Variants in CCDC85A observed in about 807,000 individuals in gnomAD.
The protein encoded by CCDC85A is coiled-coil domain-containing protein 85A.
A neutral mutation model predicts 50.2 loss-of-function variants in CCDC85A; 38 were observed. The observed-to-expected ratio is 0.76, with a 90% CI of 0.58 to 0.99. CCDC85A has a LOEUF of 0.99. Ranked by LOEUF, CCDC85A falls within the 50% of genes least tolerant of loss-of-function variation. The pLI, the probability that CCDC85A is intolerant of heterozygous loss-of-function variation, is 0.00. For missense variants in CCDC85A, 820 were observed against 742.0 expected (o/e 1.11, Z -1.22); for synonymous variants, 366 against 301.4 (o/e 1.21, Z -2.22).
At chr2:56,371,196 C>T (rs1012800400) in intron 3 of CCDC85A, among the ~76,000 whole-genome samples, 14 of 152,080 alleles carry the variant, frequency 9.2e-5, no homozygotes, top group African/African-American at 3.1e-4. Context: ...GTATGTGTGA[C>T]TTATTTTTAT....
At chr2:56,202,691 A>G (rs1171516653) in intron 2 of CCDC85A, among the ~76,000 whole-genome samples, 2 of 152,228 alleles carry the variant, frequency 1.3e-5, no homozygotes, top group Non-Finnish European at 2.9e-5. Flanking sequence ...AGTAAAGTAC[A>G]CTTACATTCC....
At chr2:56,265,962 T>C (rs974195907) in intron 2 of CCDC85A, among the ~76,000 whole-genome samples, 1 of 152,322 alleles carries the variant, frequency 6.6e-6, no homozygotes. Context: ...CTATTCAGTC[T>C]TTAAAAGGTA....
chr2:56,239,479 G>T (rs1669163331), intron 2 of CCDC85A, among the ~76,000 whole-genome samples: 1 of 152,072 alleles, frequency 6.6e-6, no homozygotes, highest in Non-Finnish European at 1.5e-5. Flanking sequence ...TTGCTGGGAG[G>T]TAGCCAAGTG....
At chr2:56,382,895 G>T (rs948891916) in intron 5 of CCDC85A, among the ~76,000 whole-genome samples, 1 of 151,952 alleles carries the variant, frequency 6.6e-6, no homozygotes, top group African/African-American at 2.4e-5. Context: ...AGATGTAATT[G>T]TATTTAAGGG....
At chr2:56,362,780 G>T (rs930269712) in intron 3 of CCDC85A, among the ~76,000 whole-genome samples, 1 of 151,872 alleles carries the variant, frequency 6.6e-6, no homozygotes, top group Non-Finnish European at 1.5e-5. Flanking sequence ...CACCACACCC[G>T]GCTAATTTTT....
intron 2 of CCDC85A, among the ~76,000 whole-genome samples, chr2:56,223,184 C>T (rs1216176964): frequency 6.6e-6 from 1 of 152,022 alleles, no homozygotes; most frequent in African/African-American, 2.4e-5. Context: ...GAAGAGTTTT[C>T]ATTTGGATGC....
intron 2 of CCDC85A, among the ~76,000 whole-genome samples, chr2:56,313,561 C>T (rs1672789342): frequency 6.6e-6 from 1 of 152,126 alleles, no homozygotes; most frequent in Non-Finnish European, 1.5e-5. Flanking sequence ...CACAGCAGAC[C>T]ATGGTGCAAC....
chr2:56,195,838 A>G (rs1269379636), intron 2 of CCDC85A, among the ~76,000 whole-genome samples: 1 of 152,174 alleles, frequency 6.6e-6, no homozygotes. Flanking sequence ...TGTGAACAAA[A>G]AGCATGTGAA....
At chr2:56,264,573 C>G (rs143935229) in intron 2 of CCDC85A, among the ~76,000 whole-genome samples, 1 of 152,334 alleles carries the variant, frequency 6.6e-6, no homozygotes, top group African/African-American at 2.4e-5. Flanking sequence ...TTGTCTCCTG[C>G]ATTATTACAG....
At chr2:56,245,415 G>C (rs754074741) in intron 2 of CCDC85A, among the ~76,000 whole-genome samples, 3 of 152,234 alleles carry the variant, frequency 2.0e-5, no homozygotes, top group Admixed American at 6.5e-5. Flanking sequence ...CATGGCCTCT[G>C]CCAGGGGATG....
intron 2 of CCDC85A, among the ~76,000 whole-genome samples, chr2:56,328,118 A>G (rs1673569469): frequency 6.6e-6 from 1 of 152,160 alleles, no homozygotes; most frequent in Non-Finnish European, 1.5e-5. Context: ...GTCACTGTGC[A>G]TAATTCACTC....
At chr2:56,366,519 C>T (rs1675802311) in intron 3 of CCDC85A, among the ~76,000 whole-genome samples, 1 of 152,132 alleles carries the variant, frequency 6.6e-6, no homozygotes, top group Non-Finnish European at 1.5e-5. Flanking sequence ...AGCATTTTTG[C>T]ATAAATCCTT....
chr2:56,302,789 T>A (rs1284333888), intron 2 of CCDC85A, among the ~76,000 whole-genome samples: 1 of 152,238 alleles, frequency 6.6e-6, no homozygotes, highest in Non-Finnish European at 1.5e-5. Context: ...AAGGTCTTTT[T>A]CACCTTTCTT....
At chr2:56,359,868 G>T (rs910770026) in intron 3 of CCDC85A, among the ~76,000 whole-genome samples, 5 of 152,236 alleles carry the variant, frequency 3.3e-5, no homozygotes, top group African/African-American at 1.2e-4. Flanking sequence ...AGGTGTTTTA[G>T]TTGGTTGTTT....
At chr2:56,304,901 AAAAC>A (rs1202249291) in intron 2 of CCDC85A, among the ~76,000 whole-genome samples, 16 of 147,792 alleles carry the variant, frequency 1.1e-4, no homozygotes, top group African/African-American at 4.2e-4. Flanking sequence ...ATAACTAAAA[AAAAC>A]AAAAAACAAA....
In CCDC85A at chr2:56,304,573, T is replaced by G. The variant is rs536841883; in HGVS notation, c.1241-38306T>G. ...AACTGTGGGACGGGACCACCCACAGTAACATTGTGATGAAAGTAAAACTGA... is the reference window on the plus strand; with the variant it reads ...AACTGTGGGACGGGACCACCCACAGGAACATTGTGATGAAAGTAAAACTGA... On this transcript the variant is annotated intron_variant, in intron 2 of 5. Transcript: ENST00000407595. 6.6e-5 allele frequency among the ~76,000 whole-genome samples: 10 copies of G among 152,238 alleles called. No individual in the cohort carries two copies. The East Asian group carries it at 1.9e-3, about 29-fold the overall frequency.
chr2:56,363,481 C>G (rs955379062), intron 3 of CCDC85A, among the ~76,000 whole-genome samples: 1 of 152,198 alleles, frequency 6.6e-6, no homozygotes, highest in Non-Finnish European at 1.5e-5. Context: ...AGATAGGTAG[C>G]TGTAAGGATA....
chr2:56,375,731 G>T, intron 4 of CCDC85A, 85 bp from the exon 5 acceptor site: 2 of 1,373,060 alleles, frequency 1.5e-6, no homozygotes, highest in Non-Finnish European at 2.0e-6. Context: ...ATTCTCATTT[G>T]GTAGTGAAAT....
intron 2 of CCDC85A, among the ~76,000 whole-genome samples, chr2:56,301,595 A>G (rs920260531): frequency 5.3e-5 from 8 of 152,230 alleles, no homozygotes; most frequent in African/African-American, 1.9e-4. Flanking sequence ...TGTTTAAGAT[A>G]TTGGAGAAAA....
Sources: gnomAD v4.1 joint callset for allele counts (sites outside exome capture counted in the v4.1 genomes callset) on GRCh38, gnomAD v4.1.1 for gene constraint, MANE v1.5 for transcripts, NCBI Gene and HGNC (gene_info 2026-07-23, HGNC 2026-07-21) for gene names.